VSIR: variants seen among roughly 807,000 people sequenced by gnomAD.
VSIR encodes V-set immunoregulatory receptor, also known as V-type immunoglobulin domain-containing suppressor of T-cell activation.
In VSIR, 10 loss-of-function variants were observed where a neutral mutation model predicts 31.0. The observed-to-expected ratio is 0.32, with a 90% CI of 0.20 to 0.55. The LOEUF (loss-of-function observed/expected upper bound fraction) is 0.55, where lower values mean the gene tolerates loss of function less well. Among genes scored for constraint, VSIR ranks in the 20% least tolerant of loss-of-function variants. VSIR has a pLI of 0.93. For missense variants in VSIR, 356 were observed against 416.2 expected (o/e 0.86, Z 1.26); for synonymous variants, 179 against 180.1 (o/e 0.99, Z 0.05).
chr10:71,764,646 C>T (rs1285915515), intron 1 of VSIR, among the ~76,000 whole-genome samples: 1 of 152,194 alleles, frequency 6.6e-6, no homozygotes, highest in Non-Finnish European at 1.5e-5. Context: ...ACCGGCACTC[C>T]AGTTCGCCAG....
At chr10:71,759,275 C>T (rs576160993) in intron 3 of VSIR, among the ~76,000 whole-genome samples, 3 of 151,988 alleles carry the variant, frequency 2.0e-5, no homozygotes, top group Admixed American at 2.0e-4. Context: ...TGGCCTCAAG[C>T]GATCTGCCTG....
intron 4 of VSIR, chr10:71,753,692 T>C (rs1840063112): frequency 2.2e-6 from 1 of 449,032 alleles, no homozygotes; most frequent in Non-Finnish European, 4.5e-6. Context: ...CCAACTTCCC[T>C]CTTTCATGCA....
At chr10:71,762,425 T>C (rs866018593) in intron 1 of VSIR, among the ~76,000 whole-genome samples, 3 of 152,384 alleles carry the variant, frequency 2.0e-5, no homozygotes, top group African/African-American at 7.2e-5. Context: ...TCAACACCTC[T>C]GCCCCTTCCT....
At chr10:71,766,065 C>T (rs1840536315) in intron 1 of VSIR, among the ~76,000 whole-genome samples, 1 of 152,242 alleles carries the variant, frequency 6.6e-6, no homozygotes, top group African/African-American at 2.4e-5. Flanking sequence ...GGGGCCTGCA[C>T]GTGCCCCGCG....
chr10:71,760,544 C>T (rs1840352732), intron 3 of VSIR: 2 of 245,074 alleles, frequency 8.2e-6, no homozygotes, highest in Non-Finnish European at 1.6e-5. Flanking sequence ...CCATAGGGGG[C>T]TGGTGGGCAG....
chr10:71,760,545 T>C, intron 3 of VSIR: 1 of 247,992 alleles, frequency 4.0e-6, no homozygotes, highest in Non-Finnish European at 7.8e-6. Flanking sequence ...CATAGGGGGC[T>C]GGTGGGCAGG....
chr10:71,760,546 G>C (rs749944788), intron 3 of VSIR: 6 of 250,224 alleles, frequency 2.4e-5, no homozygotes, highest in Admixed American at 5.1e-5. Flanking sequence ...ATAGGGGGCT[G>C]GTGGGCAGGG....
At chr10:71,773,280 C>G in intron 1 of VSIR, 78 bp downstream of exon 1, 1 of 1,480,676 alleles carries the variant, frequency 6.8e-7, no homozygotes, top group Non-Finnish European at 9.2e-7. Flanking sequence ...CCCCAGGACG[C>G]CCCCATCCCA....
intron 5 of VSIR, 191 bp from the exon 6 acceptor site, chr10:71,752,052 G>A (rs1321441548): frequency 2.8e-6 from 2 of 726,222 alleles, no homozygotes; most frequent in African/African-American, 1.7e-5. Context: ...CTGCCCACCT[G>A]TCCTGAGCTG....
At chr10:71,769,721 G>C (rs1437461175) in intron 1 of VSIR, among the ~76,000 whole-genome samples, 2 of 152,194 alleles carry the variant, frequency 1.3e-5, no homozygotes, top group Non-Finnish European at 2.9e-5. Context: ...GGTCCCCATG[G>C]GAAATAAGAT....
At chr10:71,760,397 G>C (rs1466577950) in intron 3 of VSIR, 2 of 153,080 alleles carry the variant, frequency 1.3e-5, no homozygotes, top group African/African-American at 4.9e-5. Context: ...CTCAGGAAAG[G>C]TAGTTCTGTT....
intron 1 of VSIR, among the ~76,000 whole-genome samples, chr10:71,769,402 G>T (rs1402285290): frequency 6.6e-6 from 1 of 152,176 alleles, no homozygotes; most frequent in Non-Finnish European, 1.5e-5. Flanking sequence ...TATGACAAGT[G>T]ATACTGGCTT....
chr10:71,760,028 C>T (rs200135623), intron 3 of VSIR, among the ~76,000 whole-genome samples: 1,718 of 46,714 alleles, frequency 0.037, 381 homozygotes, highest in Non-Finnish European at 0.051. Flanking sequence ...CACATATATA[C>T]ACACACACAC....
chr10:71,771,879 G>C (rs996256456), intron 1 of VSIR, among the ~76,000 whole-genome samples: 2 of 152,104 alleles, frequency 1.3e-5, no homozygotes, highest in Admixed American at 6.5e-5. Context: ...TGGGGCTGCT[G>C]AACAGAGGGC....
chr10:71,761,038 G>A lies in VSIR; in HGVS notation c.512-114C>T, dbSNP rs1173965399. ...CAGGTTCTCACGCTAGTGCCTACTC[G>A]GCAGTGTTGGCCCAGTGGCAGCCTG... is the stretch of plus-strand genomic sequence containing the variant. On this transcript the variant is annotated intron_variant, in intron 2 of 6. Coordinates refer to ENST00000394957, the MANE Select transcript of VSIR (RefSeq NM_022153.2). 8.8e-6 allele frequency: 9 copies of A among 1,028,228 alleles called. No individual in the cohort carries two copies. In the East Asian group the frequency reaches 9.9e-5, roughly 11 times the overall value. The allele number at this position is 1,028,228 out of a possible 1,614,324, so 63.7% of individuals were successfully genotyped here.
chr10:71,751,622 C>A lies in VSIR; in HGVS notation c.898+46G>T. ...GCCGATGCCCTGCAGGCCATGAGGTCATGACCTTACAGGTCATCGTGCTGT... is the reference window on the plus strand; with the variant it reads ...GCCGATGCCCTGCAGGCCATGAGGTAATGACCTTACAGGTCATCGTGCTGT... On this transcript the variant is annotated intron_variant, in intron 6 of 6. Transcript: ENST00000394957. This position sits in a 1 kb window ranked among gnomAD's most constrained non-coding sequence, Gnocchi z 4.9. 1.3e-6 allele frequency: 2 copies of A among 1,495,110 alleles called. No individual in the cohort carries two copies. The highest frequency in any genetic ancestry group is 2.7e-5 in the South Asian group (2 of 74,004). The allele number at this position is 1,495,110 out of a possible 1,614,324, so 92.6% of individuals were successfully genotyped here. A position where few individuals can be genotyped will look rare whatever the true frequency, so the allele number is the denominator to read the frequency against.
intron 4 of VSIR, chr10:71,753,918 C>A: frequency 2.2e-6 from 1 of 456,022 alleles, no homozygotes; most frequent in East Asian, 7.0e-5. Flanking sequence ...CTCATCTCAT[C>A]CTCTGTGCCA....
chr10:71,765,815 C>T (rs1840526771), intron 1 of VSIR, among the ~76,000 whole-genome samples: 1 of 152,038 alleles, frequency 6.6e-6, no homozygotes, highest in East Asian at 1.9e-4. Context: ...GTTTGGGGAG[C>T]AGGGGAGGAT....
At chr10:71,770,885 G>T (rs144223100) in intron 1 of VSIR, among the ~76,000 whole-genome samples, 14 of 152,244 alleles carry the variant, frequency 9.2e-5, no homozygotes, top group African/African-American at 3.4e-4. Flanking sequence ...CTGGCATTGG[G>T]TAGATGACCC....
Sources: gnomAD v4.1 joint callset for allele counts (sites outside exome capture counted in the v4.1 genomes callset) on GRCh38, gnomAD v4.1.1 for gene constraint, Gnocchi (gnomAD v3.1) non-coding constraint, MANE v1.5 for transcripts, NCBI Gene and HGNC (gene_info 2026-07-23, HGNC 2026-07-21) for gene names.